The following TUB variants were observed in gnomAD, a reference collection of about 807,000 sequenced individuals.
TUB encodes tubby protein homolog.
A neutral mutation model predicts 59.7 loss-of-function variants in TUB; 33 were observed. The ratio of observed to expected loss-of-function variants is 0.55; its 90% confidence interval spans 0.42 to 0.74. The LOEUF (loss-of-function observed/expected upper bound fraction) is 0.74, where lower values mean the gene tolerates loss of function less well. TUB is among the 30% of genes least tolerant of loss of function. TUB has a pLI of 0.00. For synonymous variants in TUB, 293 were observed against 256.4 expected (o/e 1.14, Z -1.36); for missense variants, 659 against 672.0 (o/e 0.98, Z 0.21).
intron 2 of TUB, among the ~76,000 whole-genome samples, chr11:8,055,509 C>T (rs1432092001): frequency 1.3e-5 from 2 of 152,182 alleles, no homozygotes; most frequent in African/African-American, 2.4e-5. Flanking sequence ...CTGCTGCACA[C>T]TGGCTCCTCC....
chr11:8,047,122 C>T (rs956393520), intron 2 of TUB, among the ~76,000 whole-genome samples: 4 of 152,174 alleles, frequency 2.6e-5, no homozygotes, highest in Admixed American at 6.5e-5. Context: ...TCTCCAGCAT[C>T]GTCTCCTCTC....
intron 11 of TUB, 110 bp downstream of exon 11, chr11:8,101,107 G>A: frequency 6.1e-6 from 8 of 1,304,874 alleles, no homozygotes; most frequent in Middle Eastern, 3.9e-4. Context: ...AAGAATGTGA[G>A]CTATACAGCT....
At chr11:8,101,359 G>A (rs1015092603) in intron 11 of TUB, 127 bp from the exon 12 acceptor site, 3 of 1,263,298 alleles carry the variant, frequency 2.4e-6, no homozygotes, top group East Asian at 2.3e-5. Flanking sequence ...TTCCCTTTGT[G>A]ATTCCCCTGG....
chr11:8,043,959 G>C lies in TUB; in HGVS notation c.203+4267G>C, dbSNP rs149108122. Among the ~76,000 whole-genome samples the C allele has an allele frequency of 1.1e-3, 167 of 152,118 alleles. No homozygotes were observed. In the Middle Eastern group the frequency reaches 0.017, roughly 15 times the overall value. On this transcript the variant is annotated intron_variant, in intron 2 of 12. Transcript: ENST00000305253. ...GTACAATGTTGAATACATTTGTCTA[G>C]AATGAGCATCTGCCCCACCCCACCC...
At chr11:8,069,031 G>A (rs1214201717) in intron 2 of TUB, 1 of 152,210 alleles carries the variant, frequency 6.6e-6, no homozygotes, top group Non-Finnish European at 1.5e-5. Context: ...CCAGAAGACT[G>A]AGCAGGAAGG....
upstream of TUB, among the ~76,000 whole-genome samples, chr11:8,037,103 G>T (rs1402675354): frequency 1.3e-5 from 2 of 152,226 alleles, no homozygotes; most frequent in Admixed American, 6.5e-5. Flanking sequence ...GGAGATGGAG[G>T]ATGAGGTCTC....
At chr11:8,073,927 T>G (rs918508561) in intron 2 of TUB, among the ~76,000 whole-genome samples, 2 of 152,164 alleles carry the variant, frequency 1.3e-5, no homozygotes, top group Non-Finnish European at 2.9e-5. Flanking sequence ...TAGTTCAGCA[T>G]CATCCTTCCT....
At position 8,094,136 on chromosome 11, in the gene TUB, C is replaced by T; in HGVS notation, c.344C>T (p.Thr115Ile). The stretch of plus-strand genomic sequence containing the variant: ...GCCAAGAGAACCAAGGCGGCAGCTA[C>T]AGCAGGGGGCCAGGGTGGCGCCGCT... ...ASAKRTKAAA[T>I]AGGQGGAARK... is the part of the protein sequence containing the mutation. The change falls in exon 4 of 12, where the codon ACA (threonine) becomes ATA (isoleucine). Residue 115 changes from threonine to isoleucine, a missense_variant. Thr to Ile is a moderately conservative substitution (Grantham distance 89). This residue lies in a region of TUB where 321 missense variants were observed against 304.3 expected (regional missense o/e 1.05). Coordinates refer to ENST00000299506, the MANE Select transcript of TUB (RefSeq NM_177972.3). 6.2e-7 allele frequency: 1 copy of T among 1,614,120 alleles called. No homozygotes were observed. Among genetic ancestry groups the T allele is most frequent in the East Asian group, 2.2e-5 (1 of 44,882 alleles).
At chr11:8,082,690 A>T (rs1049201501) in intron 1 of TUB, among the ~76,000 whole-genome samples, 1 of 152,232 alleles carries the variant, frequency 6.6e-6, no homozygotes, top group Non-Finnish European at 1.5e-5. Flanking sequence ...TAGTTCTGAC[A>T]GGGCTCTTCT....
chr11:8,092,429 G>T (rs926850991), intron 3 of TUB, among the ~76,000 whole-genome samples: 1 of 152,102 alleles, frequency 6.6e-6, no homozygotes, highest in African/African-American at 2.4e-5. Flanking sequence ...TTCTGGTCGT[G>T]CCACTACCAG....
At chr11:8,074,832 C>T (rs1385161659) in intron 2 of TUB, among the ~76,000 whole-genome samples, 1 of 149,114 alleles carries the variant, frequency 6.7e-6, no homozygotes, top group African/African-American at 2.5e-5. Flanking sequence ...CTACAACCTC[C>T]GCCTCCCGGG....
At chr11:8,048,805 G>A (rs1315107395) in intron 2 of TUB, among the ~76,000 whole-genome samples, 3 of 152,088 alleles carry the variant, frequency 2.0e-5, no homozygotes, top group African/African-American at 7.2e-5. Flanking sequence ...TATATAATAT[G>A]TAATGTTGTA....
intron 2 of TUB, among the ~76,000 whole-genome samples, chr11:8,070,826 T>C (rs995910213): frequency 1.3e-5 from 2 of 152,172 alleles, no homozygotes; most frequent in East Asian, 1.9e-4. Context: ...CATTGCTTTG[T>C]AGGAACTTTT....
upstream of TUB, among the ~76,000 whole-genome samples, chr11:8,080,192 T>C (rs910949328): frequency 3.9e-5 from 6 of 152,172 alleles, no homozygotes; most frequent in African/African-American, 1.4e-4. Flanking sequence ...ACAACACTCT[T>C]CTGGCGCGGT....
At chr11:8,049,038 C>T (rs534628833) in intron 2 of TUB, among the ~76,000 whole-genome samples, 1 of 152,308 alleles carries the variant, frequency 6.6e-6, no homozygotes, top group South Asian at 2.1e-4. Flanking sequence ...GAGCTTACTG[C>T]AAGGCAGGAT....
At chr11:8,056,108 T>C (rs1239848660) in intron 2 of TUB, among the ~76,000 whole-genome samples, 1 of 152,160 alleles carries the variant, frequency 6.6e-6, no homozygotes, top group Admixed American at 6.5e-5. Flanking sequence ...CAGAGGTGTT[T>C]AGCCAACAGT....
chr11:8,100,362 T>TA (rs1442883390), intron 9 of TUB, 141 bp from the exon 10 acceptor site: 1 of 675,552 alleles, frequency 1.5e-6, no homozygotes, highest in Non-Finnish European at 2.7e-6. Context: ...GTTCTGGCCG[T>TA]GTTAGGTTTA....
intron 1 of TUB, among the ~76,000 whole-genome samples, chr11:8,031,395 G>A (rs952766903): frequency 1.1e-4 from 17 of 152,120 alleles, no homozygotes; most frequent in Non-Finnish European, 7.4e-5. Flanking sequence ...AGGCTGGTGA[G>A]CTCTAAAAGC....
At chr11:8,049,619 A>G (rs915830079) in intron 2 of TUB, among the ~76,000 whole-genome samples, 7 of 150,740 alleles carry the variant, frequency 4.6e-5, no homozygotes, top group Non-Finnish European at 8.9e-5. Context: ...ACACACATAC[A>G]TATAAAATAA....
Sources: allele counts gnomAD v4.1 joint callset (sites outside exome capture counted in the v4.1 genomes callset), GRCh38; gene constraint gnomAD v4.1.1; regional missense constraint gnomAD v4.1.1; transcripts MANE v1.5; gene names NCBI Gene and HGNC (gene_info 2026-07-23, HGNC 2026-07-21).